Variants in DNAH6 observed in about 807,000 individuals in gnomAD.
DNAH6 encodes axonemal beta dynein heavy chain 6.
Under a neutral mutation model 491.4 loss-of-function variants are expected in DNAH6, and 340 were observed. The observed-to-expected ratio is 0.69, with a 90% CI of 0.63 to 0.76. The LOEUF is 0.76. Ranked by LOEUF, DNAH6 falls within the 30% of genes least tolerant of loss-of-function variation. The pLI is 0.00. For synonymous variants in DNAH6, 1,603 were observed against 1,686.1 expected, an observed-to-expected ratio of 0.95 and a Z score of 1.21; for missense variants, 4,443 against 4,972.2, an observed-to-expected ratio of 0.89 and a Z score of 3.20.
At chr2:84,786,506 G>C (rs1471018432) in intron 67 of DNAH6, among the ~76,000 whole-genome samples, 2 of 152,042 alleles carry the variant, frequency 1.3e-5, no homozygotes, top group Non-Finnish European at 2.9e-5. Context: ...CTGACAGGTT[G>C]GGATCAGAGG....
At chr2:84,572,605 G>A (rs967387884) in intron 11 of DNAH6, among the ~76,000 whole-genome samples, 3 of 152,168 alleles carry the variant, frequency 2.0e-5, no homozygotes, top group Non-Finnish European at 1.5e-5. Context: ...TAAACATACA[G>A]GGTGTGTGCT....
At chr2:84,578,597 C>G (rs1682705986) in intron 13 of DNAH6, among the ~76,000 whole-genome samples, 1 of 152,164 alleles carries the variant, frequency 6.6e-6, no homozygotes, top group South Asian at 2.1e-4. Context: ...GTCAAAAGCT[C>G]CACAAGCCAA....
At chr2:84,676,609 G>A (rs1273052456) in intron 40 of DNAH6, among the ~76,000 whole-genome samples, 1 of 152,160 alleles carries the variant, frequency 6.6e-6, no homozygotes, top group Non-Finnish European at 1.5e-5. Flanking sequence ...AACCCTAGGA[G>A]CAGTGGTTCA....
chr2:84,799,796 C>A (rs1678714579), intron 70 of DNAH6, among the ~76,000 whole-genome samples: 1 of 152,232 alleles, frequency 6.6e-6, no homozygotes, highest in Non-Finnish European at 1.5e-5. Flanking sequence ...AAAAGAGACA[C>A]CACCAAGGCC....
intron 60 of DNAH6, among the ~76,000 whole-genome samples, chr2:84,723,908 A>G (rs1360679082): frequency 6.6e-6 from 1 of 152,210 alleles, no homozygotes; most frequent in East Asian, 1.9e-4. Flanking sequence ...CAATTTTGCT[A>G]AAGACTTCCA....
intron 33 of DNAH6, among the ~76,000 whole-genome samples, chr2:84,651,734 CAG>C (rs1035761469): frequency 6.6e-6 from 1 of 152,100 alleles, no homozygotes; most frequent in Non-Finnish European, 1.5e-5. Context: ...CTCTACCTTT[CAG>C]AGTCTTCTTT....
rs182809358 is a variant in DNAH6, at chr2:84,558,380, C to T, written c.1803+445C>T. On this transcript the variant is annotated intron_variant, in intron 11 of 76. Transcript: ENST00000389394. ...GCAAACTTGCAGTGAGCCGAGATCG[C>T]GCCACTGCACTCCAGCCTAGGTGAC... Among the ~76,000 whole-genome samples the T allele has an allele frequency of 8.9e-3, 1,341 of 150,136 alleles. 10 individuals are homozygous for T. Among genetic ancestry groups the T allele is most frequent in the Non-Finnish European group, 0.015 (987 of 67,720 alleles).
intron 69 of DNAH6, among the ~76,000 whole-genome samples, chr2:84,796,753 T>G (rs1311891384): frequency 6.6e-6 from 1 of 152,098 alleles, no homozygotes; most frequent in Non-Finnish European, 1.5e-5. Context: ...TCCCAGATAC[T>G]CAGGAGGCTG....
intron 37 of DNAH6, among the ~76,000 whole-genome samples, chr2:84,665,704 T>G (rs529745913): frequency 1.1e-4 from 17 of 152,222 alleles, no homozygotes; most frequent in African/African-American, 4.1e-4. Context: ...CTTCTGAAAC[T>G]ATTCCAATCA....
At chr2:84,501,582 G>A in the DNAH6 span, among the ~76,000 whole-genome samples, 2 of 82,788 alleles carry the variant, frequency 2.4e-5, no homozygotes, top group Non-Finnish European at 2.5e-5. Context: ...CTAGTTTTTG[G>A]AATAGTTTGA....
At chr2:84,624,691 A>G (rs775571517) in intron 28 of DNAH6, 71 bp downstream of exon 28, 44 of 1,464,170 alleles carry the variant, frequency 3.0e-5, no homozygotes, top group Non-Finnish European at 4.0e-5. Context: ...GAAAAGTTTC[A>G]TATGACATTA....
At chr2:84,557,966 A>C in intron 11 of DNAH6, 31 bp downstream of exon 11, 2 of 1,364,906 alleles carry the variant, frequency 1.5e-6, no homozygotes, top group South Asian at 1.4e-5. Flanking sequence ...ACTATTCTAT[A>C]ATATTCTCAA....
At chr2:84,553,181 A>C in intron 10 of DNAH6, 147 bp downstream of exon 10, 1 of 625,966 alleles carries the variant, frequency 1.6e-6, no homozygotes, top group Non-Finnish European at 2.9e-6. Context: ...TTGTCACAGC[A>C]TTATAGCTAT....
chr2:84,781,748 A>C, intron 65 of DNAH6, 95 bp downstream of exon 65: 2 of 1,362,030 alleles, frequency 1.5e-6, no homozygotes, highest in Non-Finnish European at 9.7e-7. Context: ...TATTGTAGGC[A>C]CTGTGTTTCC....
intron 63 of DNAH6, among the ~76,000 whole-genome samples, chr2:84,756,088 G>A (rs1048423763): frequency 6.6e-6 from 1 of 152,178 alleles, no homozygotes; most frequent in Non-Finnish European, 1.5e-5. Flanking sequence ...TTTGTAAATT[G>A]CCCAGTCTTG....
At chr2:84,708,454 G>C (rs1015108154) in intron 54 of DNAH6, among the ~76,000 whole-genome samples, 2 of 103,920 alleles carry the variant, frequency 1.9e-5, no homozygotes, top group Non-Finnish European at 3.5e-5. Flanking sequence ...GAAAGAAAGA[G>C]AGAAAGAGAA....
chr2:84,700,701 T>G (rs1269789874), intron 48 of DNAH6, among the ~76,000 whole-genome samples: 1 of 151,366 alleles, frequency 6.6e-6, no homozygotes, highest in East Asian at 1.9e-4. Flanking sequence ...AGCAAAGGAG[T>G]TGAGGTGTGC....
intron 21 of DNAH6, among the ~76,000 whole-genome samples, chr2:84,609,777 C>T (rs1357260112): frequency 6.6e-6 from 1 of 152,002 alleles, no homozygotes; most frequent in African/African-American, 2.4e-5. Context: ...AAAGTGAGCA[C>T]ATGCTGTTGG....
the DNAH6 span, among the ~76,000 whole-genome samples, chr2:84,495,598 A>G: frequency 6.6e-6 from 1 of 152,222 alleles, no homozygotes; most frequent in African/African-American, 2.4e-5. Flanking sequence ...AATATTTTGA[A>G]GGAAAACTTT....
Sources: gnomAD v4.1 joint callset for allele counts (sites outside exome capture counted in the v4.1 genomes callset) on GRCh38, gnomAD v4.1.1 for gene constraint, MANE v1.5 for transcripts, NCBI Gene and HGNC (gene_info 2026-07-23, HGNC 2026-07-21) for gene names.